GCNT4: variants seen among roughly 807,000 people sequenced by gnomAD.
GCNT4 encodes beta-1,3-galactosyl-O-glycosyl-glycoprotein beta-1,6-N-acetylglucosaminyltransferase 4.
Under a neutral mutation model 31.3 loss-of-function variants are expected in GCNT4, and 17 were observed. That is an observed-to-expected ratio of 0.54 (90% CI 0.37 to 0.81). GCNT4 has a LOEUF of 0.81. Ranked by LOEUF, GCNT4 falls within the 40% of genes least tolerant of loss-of-function variation. The pLI, the probability that GCNT4 is intolerant of heterozygous loss-of-function variation, is 0.00. For missense variants in GCNT4, 503 were observed against 525.5 expected, an observed-to-expected ratio of 0.96 and a Z score of 0.42; for synonymous variants, 158 against 190.6, an observed-to-expected ratio of 0.83 and a Z score of 1.41.
At chr5:75,050,147 C>T (rs1743536035) in intron 2 of GCNT4, among the ~76,000 whole-genome samples, 1 of 152,252 alleles carries the variant, frequency 6.6e-6, no homozygotes, top group African/African-American at 2.4e-5. Context: ...ACTGCGAGGC[C>T]TTGCTCTTAG....
rs1742936418 is a variant in GCNT4, at chr5:75,025,831, T to A, written c.*2845A>T. 6.6e-6 allele frequency: 1 copy of A among 152,240 alleles called. No homozygotes were observed. Among genetic ancestry groups the A allele is most frequent in the African/African-American group, 2.4e-5 (1 of 41,464 alleles). 9.4% of individuals were successfully genotyped at this position (152,240 alleles called of 1,614,324 possible). ...ATTTTGGTAGCTCTTTCATTATTAA[T>A]ATTATTTAATATCCACATACAGTTT... On this transcript the variant is annotated 3_prime_UTR_variant, in exon 4 of 4. Transcript: ENST00000652361.
At chr5:75,017,050 C>T in the GCNT4 span, among the ~76,000 whole-genome samples, 7 of 152,198 alleles carry the variant, frequency 4.6e-5, no homozygotes. Context: ...ATATGCATTT[C>T]CCACTAGACT....
At position 75,027,446 on chromosome 5, in the gene GCNT4, T is replaced by C. The variant is rs1296169951; in HGVS notation, c.*1230A>G. On this transcript the variant is annotated 3_prime_UTR_variant, in exon 4 of 4. Coordinates refer to ENST00000652361, the MANE Select transcript of GCNT4 (RefSeq NM_001366737.1). ...TTACATATATATAAAATATATATTA[T>C]ATATATATATTTTTGACTCATTGGG... The C allele has an allele frequency of 8.0e-6, 1 of 124,234 alleles. No individual in the cohort carries two copies. The highest frequency in any genetic ancestry group is 2.7e-5 in the African/African-American group (1 of 36,490). The allele number at this position is 124,234 out of a possible 1,614,324, so 7.7% of individuals were successfully genotyped here.
At chr5:75,046,278 T>TG (rs1743436169) in intron 3 of GCNT4, among the ~76,000 whole-genome samples, 1 of 152,192 alleles carries the variant, frequency 6.6e-6, no homozygotes, top group South Asian at 2.1e-4. Flanking sequence ...AGGTGATGGC[T>TG]GGGCAGAGTG....
At chr5:75,053,430 G>A (rs1294531713), upstream of GCNT4, among the ~76,000 whole-genome samples, 1 of 152,078 alleles carries the variant, frequency 6.6e-6, no homozygotes, top group African/African-American at 2.4e-5. Flanking sequence ...GGGTCGGGGC[G>A]TCCCGGCGGA....
Position 75,025,424 on chromosome 5 carries a change from C to A in GCNT4, c.*3252G>T, listed in dbSNP as rs1486906406. On this transcript the variant is annotated 3_prime_UTR_variant, in exon 4 of 4. Coordinates refer to ENST00000652361, the MANE Select transcript of GCNT4 (RefSeq NM_001366737.1). ...TAGTAGCATAATACAAAATGAAACA[C>A]CAATCTATTTAAAACTCATGTAATG... is the stretch of plus-strand genomic sequence containing the variant. 6.6e-6 allele frequency: 1 copy of A among 151,942 alleles called. No individual in the cohort carries two copies. The highest frequency in any genetic ancestry group is 1.5e-5 in the Non-Finnish European group (1 of 67,998). The allele number at this position is 151,942 out of a possible 1,614,324, so 9.4% of individuals were successfully genotyped here.
chr5:75,043,731 TA>T (rs1743372581), intron 3 of GCNT4, among the ~76,000 whole-genome samples: 2 of 152,294 alleles, frequency 1.3e-5, no homozygotes, highest in East Asian at 3.9e-4. Flanking sequence ...AGTAAGCCCT[TA>T]TATGTTTAAG....
intron 2 of GCNT4, among the ~76,000 whole-genome samples, chr5:75,050,722 C>A (rs1743550344): frequency 7.4e-6 from 1 of 134,326 alleles, no homozygotes; most frequent in Non-Finnish European, 1.8e-5. Context: ...ACTCTCACAC[C>A]CTACACAAAA....
chr5:75,037,949 A>T (rs975839625), intron 3 of GCNT4, among the ~76,000 whole-genome samples: 5 of 55,570 alleles, frequency 9.0e-5, no homozygotes, highest in African/African-American at 2.2e-4. Flanking sequence ...CACTTTCATT[A>T]AAAAAAAAAA....
At chr5:75,032,880 T>TGG (rs1743100537) in intron 3 of GCNT4, among the ~76,000 whole-genome samples, 1 of 69,274 alleles carries the variant, frequency 1.4e-5, no homozygotes, top group Non-Finnish European at 2.7e-5. Context: ...GGGGTGTGTG[T>TGG]GTGTGTGTGT....
At chr5:75,050,219 G>A (rs956656736) in intron 2 of GCNT4, among the ~76,000 whole-genome samples, 4 of 152,202 alleles carry the variant, frequency 2.6e-5, no homozygotes, top group Non-Finnish European at 5.9e-5. Context: ...ACATTTGTAT[G>A]ATCTGTGAAG....
Position 75,029,387 on chromosome 5 carries a change from T to G in GCNT4, c.651A>C (p.Ser217=). ...AGTTGATAACATATTTCCACTGGAT[T>G]GAAGACTTCAGAAGGTCCGACAAGC... ...LNCLSDLLKS[S]IQWKYVINLC... The change falls in exon 4 of 4, where the codon TCA becomes TCC. Residue 217 remains serine, a synonymous_variant. Transcript: ENST00000652361. The G allele has an allele frequency of 6.2e-7, 1 of 1,614,188 alleles. No individual in the cohort carries two copies. The highest frequency in any genetic ancestry group is 8.5e-7 in the Non-Finnish European group (1 of 1,180,032).
intron 3 of GCNT4, 99 bp downstream of exon 3, chr5:75,047,798 G>A (rs1474726545): frequency 6.6e-6 from 1 of 152,004 alleles, no homozygotes; most frequent in African/African-American, 2.4e-5. Context: ...GGGGAGGTAG[G>A]TAAAGCAGAG....
chr5:75,036,965 C>T (rs1561375604), intron 3 of GCNT4, among the ~76,000 whole-genome samples: 1 of 152,196 alleles, frequency 6.6e-6, no homozygotes, highest in Admixed American at 6.5e-5. Flanking sequence ...AGAATATTCC[C>T]TCTTCAGGCC....
chr5:75,031,055 C>T (rs549470210), intron 3 of GCNT4, among the ~76,000 whole-genome samples: 31 of 151,766 alleles, frequency 2.0e-4, no homozygotes, highest in African/African-American at 7.3e-4. Context: ...ATACAAAGAA[C>T]ATACATTAGC....
chr5:75,042,564 A>C (rs894737848), intron 3 of GCNT4, among the ~76,000 whole-genome samples: 1 of 152,250 alleles, frequency 6.6e-6, no homozygotes, highest in Admixed American at 6.5e-5. Context: ...GCACAGGGAT[A>C]AACAGACATG....
At position 75,028,714 on chromosome 5, in the gene GCNT4, T is replaced by C. The variant is rs975753879; in HGVS notation, c.1324A>G (p.Lys442Glu). 2 of 1,613,318 alleles carry C rather than the reference T, an allele frequency of 1.2e-6. No individual in the cohort carries two copies. The highest frequency in any genetic ancestry group is 2.7e-5 in the African/African-American group (2 of 74,862). The change falls in exon 4 of 4, where the codon AAG becomes GAG. Residue 442 changes from lysine to glutamate, a missense_variant. Physicochemically the swap from Lys to Glu is moderately conservative, Grantham distance 56. Coordinates refer to ENST00000652361, the MANE Select transcript of GCNT4 (RefSeq NM_001366737.1). ...GTGAGATTTCTATCCATAAATAACTTTTCTGAGGGCAAAGTGATCCAGTCT... is the reference window on the plus strand; with the variant it reads ...GTGAGATTTCTATCCATAAATAACTCTTCTGAGGGCAAAGTGATCCAGTCT... ...QRDWITLPSE[K>E]LFMDRNLTTT...
In GCNT4 at chr5:75,028,666, G is replaced by A; in HGVS notation, c.*10C>T. On this transcript the variant is annotated 3_prime_UTR_variant, in exon 4 of 4. Coordinates refer to ENST00000652361, the MANE Select transcript of GCNT4 (RefSeq NM_001366737.1). ...TCAGGCACCCTCTTATTTCCATCCT[G>A]ATTTTACTATCATGATGTGGTAGTG... The A allele has an allele frequency of 6.2e-7, 1 of 1,600,092 alleles. No individual in the cohort carries two copies. Among genetic ancestry groups the A allele is most frequent in the African/African-American group, 1.3e-5 (1 of 74,376 alleles).
At chr5:75,024,407 T>C (rs930643598), downstream of GCNT4, among the ~76,000 whole-genome samples, 4 of 152,160 alleles carry the variant, frequency 2.6e-5, no homozygotes, top group African/African-American at 9.7e-5. Flanking sequence ...TTCCTTGAGA[T>C]GGATTGAGAT....
Sources: gnomAD v4.1 joint callset for allele counts (sites outside exome capture counted in the v4.1 genomes callset) on GRCh38, gnomAD v4.1.1 for gene constraint, MANE v1.5 for transcripts, NCBI Gene and HGNC (gene_info 2026-07-23, HGNC 2026-07-21) for gene names.